DZANK1: variants seen among roughly 807,000 people sequenced by gnomAD.
DZANK1 encodes double zinc ribbon and ankyrin repeat-containing protein 1.
Under a neutral mutation model 94.5 loss-of-function variants are expected in DZANK1, and 91 were observed. That is an observed-to-expected ratio of 0.96 (90% CI 0.81 to 1.15). The LOEUF (loss-of-function observed/expected upper bound fraction) is 1.15, where lower values mean the gene tolerates loss of function less well. DZANK1 is among the 50% of genes most tolerant of loss of function. The pLI, the probability that DZANK1 is intolerant of heterozygous loss-of-function variation, is 0.00. For missense variants in DZANK1, 903 were observed against 916.4 expected (o/e 0.99, Z 0.19); for synonymous variants, 312 against 325.3 (o/e 0.96, Z 0.44).
In DZANK1 at chr20:18,434,417, C is replaced by T. The variant is rs966302252; in HGVS notation, c.748-652G>A. Among the ~76,000 whole-genome samples the T allele has an allele frequency of 3.6e-3, 546 of 151,274 alleles. 3 individuals are homozygous for T. Among genetic ancestry groups the T allele is most frequent in the African/African-American group, 0.012 (509 of 41,348 alleles). On this transcript the variant is annotated intron_variant, in intron 8 of 20. Transcript: ENST00000262547. ...AAAATTAGCTGGGCGTAGTGGCGGG[C>T]GCCTATAATCCCAGCTACTTGGGAG...
intron 7 of DZANK1, among the ~76,000 whole-genome samples, chr20:18,448,731 G>C (rs189313804): frequency 1.3e-5 from 2 of 152,104 alleles, no homozygotes; most frequent in East Asian, 3.9e-4. Flanking sequence ...GCTGGGCGTG[G>C]TGGCGCGTGC....
chr20:18,424,389 AG>A (rs2057930911), intron 10 of DZANK1, among the ~76,000 whole-genome samples: 1 of 151,416 alleles, frequency 6.6e-6, no homozygotes, highest in Admixed American at 6.6e-5. Flanking sequence ...CAGAAGGTGG[AG>A]GTTGCAGTGA....
chr20:18,455,367 AATTATT>A lies in DZANK1; in HGVS notation c.264-12_264-7del, dbSNP rs747594872. 2 of 1,571,858 alleles carry A rather than the reference AATTATT, an allele frequency of 1.3e-6. No homozygotes were observed. Among genetic ancestry groups the A allele is most frequent in the African/African-American group, 1.4e-5 (1 of 73,960 alleles). On this transcript the variant is annotated splice_polypyrimidine_tract_variant and splice_region_variant and intron_variant, in intron 3 of 20. Coordinates refer to ENST00000262547, the Ensembl canonical transcript of DZANK1. Reference sequence around the variant, plus strand: ...TGCCACTCTGTCTGCAGTCTCTGAAAATTATTATTAAGAAAGGAAAAAGTCTGTGTT... The same window carrying A: ...TGCCACTCTGTCTGCAGTCTCTGAAAATTAAGAAAGGAAAAAGTCTGTGTT...
rs145813782 is a variant in DZANK1, at chr20:18,454,215, A to G, written c.379-388T>C. ...CCACCTGCCCACACACAGTCCTTAAACACTCTTCTCTCTGGACTTTCTCCA... is the reference window on the plus strand; with the variant it reads ...CCACCTGCCCACACACAGTCCTTAAGCACTCTTCTCTCTGGACTTTCTCCA... On this transcript the variant is annotated intron_variant, in intron 4 of 20. Coordinates refer to ENST00000262547, the Ensembl canonical transcript of DZANK1. 808 of 359,228 alleles carry G rather than the reference A, an allele frequency of 2.2e-3. 13 individuals carry two copies. The Admixed American group carries it at 0.026, about 12-fold the overall frequency. The allele number at this position is 359,228 out of a possible 1,614,324, so 22.3% of individuals were successfully genotyped here. A position where few individuals can be genotyped will look rare whatever the true frequency, so the allele number is the denominator to read the frequency against.
At chr20:18,398,851 G>C (rs1372559724) in intron 13 of DZANK1, among the ~76,000 whole-genome samples, 1 of 152,164 alleles carries the variant, frequency 6.6e-6, no homozygotes, top group Non-Finnish European at 1.5e-5. Context: ...TTTCAAAAGA[G>C]GCCGAGCATG....
chr20:18,398,571 C>G (rs1190882104), exon 14 of DZANK1: 1 of 1,613,994 alleles, frequency 6.2e-7, no homozygotes, highest in Non-Finnish European at 8.5e-7. Flanking sequence ...CAGGGTTGTT[C>G]TGAGCATAAC....
intron 20 of DZANK1, 96 bp downstream of exon 20, chr20:18,384,920 C>G: frequency 8.4e-7 from 1 of 1,195,600 alleles, no homozygotes; most frequent in Non-Finnish European, 1.2e-6. Flanking sequence ...ACAGGGACAG[C>G]AGTTCAGGAA....
At chr20:18,438,474 T>C (rs1039204883) in intron 8 of DZANK1, among the ~76,000 whole-genome samples, 1 of 151,936 alleles carries the variant, frequency 6.6e-6, no homozygotes, top group Non-Finnish European at 1.5e-5. Context: ...CACAAATAGA[T>C]TGAAAGTAAA....
At chr20:18,442,659 C>T (rs950463610) in intron 8 of DZANK1, among the ~76,000 whole-genome samples, 2 of 152,176 alleles carry the variant, frequency 1.3e-5, no homozygotes, top group African/African-American at 4.8e-5. Flanking sequence ...GGAACTCACT[C>T]AATTAGTGAC....
chr20:18,409,605 C>T (rs1025419618), intron 13 of DZANK1, among the ~76,000 whole-genome samples: 3 of 151,172 alleles, frequency 2.0e-5, no homozygotes, highest in African/African-American at 7.3e-5. Context: ...CCATCACCAC[C>T]AGTAAAGGTA....
At chr20:18,439,007 C>T (rs1043925586) in intron 8 of DZANK1, among the ~76,000 whole-genome samples, 2 of 152,178 alleles carry the variant, frequency 1.3e-5, no homozygotes, top group African/African-American at 2.4e-5. Context: ...CACAAAGATT[C>T]AATCCATAGC....
At chr20:18,427,905 C>A (rs920372938) in intron 9 of DZANK1, among the ~76,000 whole-genome samples, 2 of 151,980 alleles carry the variant, frequency 1.3e-5, no homozygotes, top group South Asian at 4.2e-4. Context: ...AATCCCAGCA[C>A]TTTGGGAGGC....
chr20:18,406,711 G>T (rs2056984277), intron 13 of DZANK1, among the ~76,000 whole-genome samples: 1 of 152,214 alleles, frequency 6.6e-6, no homozygotes, highest in African/African-American at 2.4e-5. Flanking sequence ...GTACCAGCTT[G>T]AACACAGTGG....
intron 19 of DZANK1, among the ~76,000 whole-genome samples, chr20:18,386,061 C>T (rs1355752562): frequency 6.6e-6 from 1 of 152,202 alleles, no homozygotes; most frequent in African/African-American, 2.4e-5. Flanking sequence ...ACGGTCTGAA[C>T]TCTCTCTGCC....
intron 19 of DZANK1, among the ~76,000 whole-genome samples, chr20:18,388,172 G>A (rs1028933406): frequency 6.6e-6 from 1 of 152,202 alleles, no homozygotes; most frequent in African/African-American, 2.4e-5. Context: ...ACGTGAGAGA[G>A]GGCCAACCCT....
chr20:18,456,480 A>G lies in DZANK1; in HGVS notation c.264-1119T>C, dbSNP rs80007519. On this transcript the variant is annotated intron_variant, in intron 3 of 20. Transcript: ENST00000262547. Reference sequence around the variant, plus strand: ...GTTTCTGGTTCAACGGAATTCAGTCAATGTAATGTACACAATTTTGTGAGT... The same window carrying G: ...GTTTCTGGTTCAACGGAATTCAGTCGATGTAATGTACACAATTTTGTGAGT... Among the ~76,000 whole-genome samples the G allele has an allele frequency of 7.8e-3, 1,183 of 152,374 alleles. 17 individuals are homozygous for G. Among genetic ancestry groups the G allele is most frequent in the Non-Finnish European group, 0.01 (713 of 68,040 alleles).
chr20:18,464,703 T>C (rs1301366000), intron 2 of DZANK1, among the ~76,000 whole-genome samples: 1 of 121,294 alleles, frequency 8.2e-6, no homozygotes, highest in Non-Finnish European at 1.6e-5. Flanking sequence ...TGAGACGGAG[T>C]CTTGCTCTGT....
intron 16 of DZANK1, 51 bp from the exon 17 acceptor site, chr20:18,393,862 A>C: frequency 8.4e-7 from 1 of 1,193,200 alleles, no homozygotes; most frequent in African/African-American, 1.5e-5. Context: ...CCAACTCCCC[A>C]CACAAACAGT....
At chr20:18,422,081 TA>T (rs2057806587) in intron 10 of DZANK1, among the ~76,000 whole-genome samples, 1 of 152,228 alleles carries the variant, frequency 6.6e-6, no homozygotes, top group African/African-American at 2.4e-5. Context: ...TCTGTTTGTC[TA>T]TTTTTTGCTT....
Sources: allele counts gnomAD v4.1 joint callset (sites outside exome capture counted in the v4.1 genomes callset), GRCh38; gene constraint gnomAD v4.1.1; transcripts MANE v1.5; gene names NCBI Gene and HGNC (gene_info 2026-07-23, HGNC 2026-07-21).